ANO5: variants seen among roughly 807,000 people sequenced by gnomAD.
ANO5 encodes the protein anoctamin 5, also known as anoctamin-5.
A neutral mutation model predicts 121.0 loss-of-function variants in ANO5; 109 were observed. The ratio of observed to expected loss-of-function variants is 0.90; its 90% CI spans 0.77 to 1.06. The LOEUF (loss-of-function observed/expected upper bound fraction) is 1.06, where lower values mean the gene tolerates loss of function less well. ANO5 is among the 50% of genes least tolerant of loss of function. The pLI is 0.00. For missense variants in ANO5, 1,064 were observed against 1,078.5 expected, an observed-to-expected ratio of 0.99 and a Z score of 0.19; for synonymous variants, 406 against 359.9, an observed-to-expected ratio of 1.13 and a Z score of -1.45.
intron 1 of ANO5, among the ~76,000 whole-genome samples, chr11:22,199,263 C>T (rs1353465149): frequency 2.0e-5 from 3 of 152,252 alleles, no homozygotes; most frequent in Admixed American, 6.5e-5. Flanking sequence ...ACAAGAATAA[C>T]ACCTGCTTAC....
chr11:22,242,316 A>G (rs1853459487), intron 9 of ANO5, among the ~76,000 whole-genome samples: 1 of 152,050 alleles, frequency 6.6e-6, no homozygotes, highest in African/African-American at 2.4e-5. Context: ...AGGTAGTGTG[A>G]TGCTTCCAGT....
At chr11:22,204,319 A>C (rs1482946603) in intron 2 of ANO5, among the ~76,000 whole-genome samples, 5 of 152,256 alleles carry the variant, frequency 3.3e-5, no homozygotes, top group African/African-American at 9.6e-5. Context: ...TTTTAACCAA[A>C]GGACTTCTTA....
intron 10 of ANO5, 29 bp from the exon 11 acceptor site, chr11:22,250,712 G>C (rs1231524047): frequency 6.3e-7 from 1 of 1,599,886 alleles, no homozygotes; most frequent in Non-Finnish European, 8.6e-7. Flanking sequence ...ACCTATCACT[G>C]TTCAATAACT....
At chr11:22,277,819 C>A (rs1854924061) in intron 21 of ANO5, 1 of 151,476 alleles carries the variant, frequency 6.6e-6, no homozygotes, top group Admixed American at 6.6e-5. Flanking sequence ...GACTTCTCTT[C>A]ATCTTGTCTT....
At chr11:22,211,423 A>C in intron 3 of ANO5, 109 bp downstream of exon 3, 638 of 1,260,254 alleles carry the variant, frequency 5.1e-4, no homozygotes, top group Non-Finnish European at 6.9e-4. Context: ...ACATGCTCTC[A>C]TACATGGTAT....
At chr11:22,277,002 G>A (rs940716899) in intron 21 of ANO5, among the ~76,000 whole-genome samples, 4 of 151,386 alleles carry the variant, frequency 2.6e-5, no homozygotes, top group African/African-American at 9.7e-5. Flanking sequence ...AAGAGCAATC[G>A]TACATAATAT....
intron 3 of ANO5, among the ~76,000 whole-genome samples, chr11:22,216,126 T>C (rs10833721): frequency 0.69 from 104,866 of 151,716 alleles, 37,795 homozygotes; most frequent in Non-Finnish European, 0.81. Context: ...AAGACCATTA[T>C]GAATAAGGCT....
chr11:22,245,253 C>T (rs771139662), intron 9 of ANO5, among the ~76,000 whole-genome samples: 4 of 152,300 alleles, frequency 2.6e-5, no homozygotes, highest in Admixed American at 1.3e-4. Context: ...CAGCAGTGCT[C>T]TGTGGTGGGG....
intron 3 of ANO5, among the ~76,000 whole-genome samples, chr11:22,216,690 A>G (rs904283528): frequency 1.3e-5 from 2 of 151,910 alleles, no homozygotes; most frequent in African/African-American, 4.8e-5. Context: ...TTAGAAGTAT[A>G]TAAATTCAAT....
intron 17 of ANO5, among the ~76,000 whole-genome samples, chr11:22,269,161 A>C (rs1854483292): frequency 6.7e-6 from 1 of 148,904 alleles, no homozygotes; most frequent in African/African-American, 2.5e-5. Flanking sequence ...AGGAAAGGGA[A>C]GGGATGGGAA....
chr11:22,277,056 A>AT (rs11411955), intron 21 of ANO5, among the ~76,000 whole-genome samples: 2,613 of 151,588 alleles, frequency 0.017, 97 homozygotes, highest in African/African-American at 0.059. Context: ...AAACTTCTCA[A>AT]TTTTTTTAAC....
rs886048130 is a variant in ANO5 at position 22,280,860 on chromosome 11, G to C, written c.*1095G>C. The C allele has an allele frequency of 6.6e-6, 1 of 151,976 alleles. No individual in the cohort carries two copies. The highest frequency in any genetic ancestry group is 2.4e-5 in the African/African-American group (1 of 41,418). 9.4% of individuals were successfully genotyped at this position (151,976 alleles called of 1,614,324 possible). A position where few individuals can be genotyped will look rare whatever the true frequency, so the allele number is the denominator to read the frequency against. On this transcript the variant is annotated 3_prime_UTR_variant, in exon 22 of 22. Transcript: ENST00000324559. The stretch of plus-strand genomic sequence containing the variant: ...TTGTTAGCTAGTGATTTGATGTGAT[G>C]TAACATCTTAAATGTAAGCTTGTCT...
In ANO5 at chr11:22,279,979, C is replaced by A; in HGVS notation, c.*214C>A. On this transcript the variant is annotated 3_prime_UTR_variant, in exon 22 of 22. Transcript: ENST00000324559. Reference sequence around the variant, plus strand: ...CTCTGCTTCATTGACTGGGCCCTCTCCAGATGTTGTTTTCTGAGGTGCTGT... The same window carrying A: ...CTCTGCTTCATTGACTGGGCCCTCTACAGATGTTGTTTTCTGAGGTGCTGT... The A allele has an allele frequency of 3.6e-6, 2 of 548,730 alleles. No homozygotes were observed. Among genetic ancestry groups the A allele is most frequent in the South Asian group, 2.2e-5 (1 of 44,818 alleles). The allele number at this position is 548,730 out of a possible 1,614,324, so 34.0% of individuals were successfully genotyped here. A position where few individuals can be genotyped will look rare whatever the true frequency, so the allele number is the denominator to read the frequency against.
chr11:22,264,304 C>T (rs1325308303), intron 17 of ANO5, among the ~76,000 whole-genome samples: 2 of 151,964 alleles, frequency 1.3e-5, no homozygotes, highest in Admixed American at 6.6e-5. Context: ...GGATTACAGG[C>T]GTAAGCCACC....
intron 14 of ANO5, among the ~76,000 whole-genome samples, chr11:22,258,044 C>A (rs1023894405): frequency 1.3e-5 from 2 of 152,174 alleles, no homozygotes; most frequent in African/African-American, 4.8e-5. Flanking sequence ...GACAGAATAA[C>A]AAACTTACTC....
In ANO5 at chr11:22,250,256, A is replaced by T; in HGVS notation, c.898A>T (p.Ile300Phe). The change falls in exon 10 of 22, where the codon ATT becomes TTT. Residue 300 changes from isoleucine to phenylalanine, a missense_variant. Ile to Phe is a conservative substitution (Grantham distance 21). Transcript: ENST00000324559. ...TCACAGGAATTATTATGGAGAAAAA[A>T]TTGGTATCTATTTTGTCTTTCTTGG... ...DLIKNYYGEK[I>F]GIYFVFLGFY... The T allele has an allele frequency of 6.3e-7, 1 of 1,592,788 alleles. No homozygotes were observed. Among genetic ancestry groups the T allele is most frequent in the Non-Finnish European group, 8.6e-7 (1 of 1,162,126 alleles).
At position 22,283,111 on chromosome 11, in the gene ANO5, G is replaced by T. The variant is rs978203898; in HGVS notation, c.*3346G>T. On this transcript the variant is annotated 3_prime_UTR_variant, in exon 22 of 22. Coordinates refer to ENST00000324559, the MANE Select transcript of ANO5 (RefSeq NM_213599.3). ...AAGAAAATAATAGTGTGGTTTAATTGGTATGAGATACCTGCTTCCTCCTCC... is the reference window on the plus strand; with the variant it reads ...AAGAAAATAATAGTGTGGTTTAATTTGTATGAGATACCTGCTTCCTCCTCC... 6.6e-6 allele frequency: 1 copy of T among 152,166 alleles called. No homozygotes were observed. The highest frequency in any genetic ancestry group is 1.5e-5 in the Non-Finnish European group (1 of 68,028). The allele number at this position is 152,166 out of a possible 1,614,324, so 9.4% of individuals were successfully genotyped here.
At chr11:22,272,103 C>T (rs1013185359) in intron 18 of ANO5, among the ~76,000 whole-genome samples, 6 of 151,816 alleles carry the variant, frequency 4.0e-5, no homozygotes, top group African/African-American at 1.5e-4. Context: ...CTGTTAATAG[C>T]ATGGGTTATT....
chr11:22,248,480 G>A (rs1853695803), intron 9 of ANO5, among the ~76,000 whole-genome samples: 1 of 151,904 alleles, frequency 6.6e-6, no homozygotes, highest in African/African-American at 2.4e-5. Flanking sequence ...AATAATGTAT[G>A]CATTTTTACC....
Sources: allele counts gnomAD v4.1 joint callset (sites outside exome capture counted in the v4.1 genomes callset), GRCh38; gene constraint gnomAD v4.1.1; transcripts MANE v1.5; gene names NCBI Gene and HGNC (gene_info 2026-07-23, HGNC 2026-07-21).